Variants in ZNF716 observed in about 807,000 individuals in gnomAD.
ZNF716 encodes zinc finger protein 716.
ZNF716 carries 9 observed loss-of-function variants against 13.4 expected under a neutral mutation model. That is an observed-to-expected ratio of 0.67 (90% CI 0.41 to 1.18). ZNF716 has a LOEUF of 1.18. Ranked by LOEUF, ZNF716 falls within the 50% of genes most tolerant of loss-of-function variation. ZNF716 has a pLI of 0.01. For synonymous variants in ZNF716, 186 were observed against 195.2 expected (o/e 0.95, Z 0.39); for missense variants, 581 against 576.6 (o/e 1.01, Z -0.08).
rs1554324699 is a variant in ZNF716 at position 57,469,243 on chromosome 7, G to T, written c.782G>T (p.Arg261Ile). Residue 261 changes from arginine (R) to isoleucine (I), a missense_variant, in exon 4 of 4, where the codon AGA (arginine) becomes ATA (isoleucine). Physicochemically the swap from Arg to Ile is moderately conservative, Grantham distance 97. Transcript: ENST00000420713. ...SWSASLTKHK[R>I]IHTGEKPYTC... ...TCTGCATCCCTTACTAAACATAAGA[G>T]AATTCATACTGGAGAGAAACCTTAC... 4 of 1,611,632 alleles carry T rather than the reference G, an allele frequency of 2.5e-6. No homozygotes were observed. The highest frequency in any genetic ancestry group is 1.3e-5 in the African/African-American group (1 of 74,848).
At position 57,468,713 on chromosome 7, in the gene ZNF716, A is replaced by ACG; in HGVS notation, c.263-11_263-10insCG. The ACG allele has an allele frequency of 6.3e-7, 1 of 1,586,782 alleles. No homozygotes were observed. On this transcript the variant is annotated splice_polypyrimidine_tract_variant and intron_variant, in intron 3 of 3. Coordinates refer to ENST00000420713, the MANE Select transcript of ZNF716 (RefSeq NM_001159279.1). The stretch of plus-strand genomic sequence containing the variant: ...GTAAGTGGAGAAACTTGTGATTTTT[A>ACG]TGTCTTTCAGTTACATGTTCTCATT...
chr7:57,465,041 G>C (rs1789779963), intron 3 of ZNF716, among the ~76,000 whole-genome samples: 1 of 152,014 alleles, frequency 6.6e-6, no homozygotes. Flanking sequence ...TGTTTCTCTA[G>C]CTATAGTTCA....
Position 57,450,195 on chromosome 7 carries a change from C to G in ZNF716, c.-94C>G, listed in dbSNP as rs1348862488. 9 of 1,581,642 alleles carry G rather than the reference C, an allele frequency of 5.7e-6. No homozygotes were observed. Among genetic ancestry groups the G allele is most frequent in the Admixed American group, 1.8e-5 (1 of 56,640 alleles). On this transcript the variant is annotated 5_prime_UTR_variant, in exon 1 of 4. Coordinates refer to ENST00000420713, the MANE Select transcript of ZNF716 (RefSeq NM_001159279.1). ...ACGGGTTCTTTTTGCTTCTCTGCGC[C>G]CAGAGCTCCAGTCCTTCTCTTCACT...
intron 3 of ZNF716, among the ~76,000 whole-genome samples, chr7:57,467,487 A>G (rs879946227): frequency 6.6e-6 from 1 of 151,900 alleles, no homozygotes; most frequent in East Asian, 1.9e-4. Context: ...TTTGCTGGTT[A>G]TATTATTCTC....
chr7:57,451,381 A>C (rs1365549028), intron 1 of ZNF716, among the ~76,000 whole-genome samples: 1 of 149,660 alleles, frequency 6.7e-6, no homozygotes, highest in Non-Finnish European at 1.5e-5. Context: ...AATCCACCTC[A>C]GTCTAATTGG....
intron 3 of ZNF716, among the ~76,000 whole-genome samples, chr7:57,465,131 G>C (rs1274345613): frequency 2.6e-5 from 4 of 152,028 alleles, no homozygotes; most frequent in African/African-American, 9.7e-5. Flanking sequence ...TATTAAATTT[G>C]TTCACCACTG....
rs782745508 is a variant in ZNF716 at position 57,464,115 on chromosome 7, C to CTT, written c.262+952_262+953dup. On this transcript the variant is annotated intron_variant, in intron 3 of 3. Transcript: ENST00000420713. ...AGGTAGTTCAATCATTTGTCCATTT[C>CTT]TTTTTTCTTTTTTTTTTTTTTTTGA... is the stretch of plus-strand genomic sequence containing the variant. 1.8e-4 allele frequency among the ~76,000 whole-genome samples: 20 copies of CTT among 110,250 alleles called. 1 individual carries two copies. The highest frequency in any genetic ancestry group is 4.4e-4 in the African/African-American group (12 of 27,556). The allele number at this position is 110,250 out of a possible 152,430, so 72.3% of individuals were successfully genotyped here.
chr7:57,461,178 G>A (rs1270005760), intron 1 of ZNF716, among the ~76,000 whole-genome samples: 3 of 152,060 alleles, frequency 2.0e-5, no homozygotes, highest in African/African-American at 7.2e-5. Flanking sequence ...CTCAGGGGCT[G>A]AGGCAGGAGA....
chr7:57,463,266 A>G, intron 3 of ZNF716, 98 bp downstream of exon 3: 10 of 1,508,226 alleles, frequency 6.6e-6, no homozygotes, highest in Non-Finnish European at 8.9e-6. Context: ...CTGTACTTCG[A>G]TGGAAGAGTT....
chr7:57,451,765 T>G (rs1789500970), intron 1 of ZNF716, among the ~76,000 whole-genome samples: 1 of 135,034 alleles, frequency 7.4e-6, no homozygotes, highest in African/African-American at 2.7e-5. Flanking sequence ...TTCAACTCTT[T>G]CTTTCTTTTT....
chr7:57,455,474 T>C (rs1258711848), intron 1 of ZNF716, among the ~76,000 whole-genome samples: 2 of 152,138 alleles, frequency 1.3e-5, no homozygotes. Flanking sequence ...GAAAAAATGT[T>C]TCTCTTAAGC....
At position 57,457,292 on chromosome 7, in the gene ZNF716, C is replaced by T. The variant is rs73345950; in HGVS notation, c.40-5168C>T. On this transcript the variant is annotated intron_variant, in intron 1 of 3. Coordinates refer to ENST00000420713, the MANE Select transcript of ZNF716 (RefSeq NM_001159279.1). Reference sequence around the variant, plus strand: ...CCCACATGGACCACTGTCTGTAGCACGTCTGTGGCACAAACCAGTCTTACC... The same window carrying T: ...CCCACATGGACCACTGTCTGTAGCATGTCTGTGGCACAAACCAGTCTTACC... Among the ~76,000 whole-genome samples the T allele has an allele frequency of 6.2e-3, 941 of 152,244 alleles. 6 individuals carry two copies. The highest frequency in any genetic ancestry group is 0.02 in the African/African-American group (832 of 41,538).
At position 57,462,552 on chromosome 7, in the gene ZNF716, G is replaced by A. The variant is rs782303045; in HGVS notation, c.132G>A (p.Val44=). 31 of 1,613,010 alleles carry A rather than the reference G, an allele frequency of 1.9e-5. No individual in the cohort carries two copies. The highest frequency in any genetic ancestry group is 6.6e-5 in the South Asian group (6 of 90,712). Residue 44 remains valine (V), a synonymous_variant, in exon 2 of 4, where the codon GTG becomes GTA. Coordinates refer to ENST00000420713, the MANE Select transcript of ZNF716 (RefSeq NM_001159279.1). ...DHAQQNLYRD[V]MLENYRNLVS... is the part of the protein sequence containing the mutation. Reference sequence around the variant, plus strand: ...CTCAGCAGAATTTATATAGAGATGTGATGTTAGAGAACTACAGAAACCTGG... The same window carrying A: ...CTCAGCAGAATTTATATAGAGATGTAATGTTAGAGAACTACAGAAACCTGG...
Position 57,471,691 on chromosome 7 carries a change from G to GA in ZNF716, c.*1746dup, listed in dbSNP as rs1306418740. The GA allele has an allele frequency of 3.3e-5, 5 of 152,078 alleles. No homozygotes were observed. The highest frequency in any genetic ancestry group is 9.7e-5 in the African/African-American group (4 of 41,426). 9.4% of individuals were successfully genotyped at this position (152,078 alleles called of 1,614,324 possible). A position where few individuals can be genotyped will look rare whatever the true frequency, so the allele number is the denominator to read the frequency against. On this transcript the variant is annotated 3_prime_UTR_variant, in exon 4 of 4. Transcript: ENST00000420713. Reference sequence around the variant, plus strand: ...ATATTTGTTCAAAAACTACAGTTTAGAAAACACTAGTTTATACTAAAAAAA... The same window carrying GA: ...ATATTTGTTCAAAAACTACAGTTTAGAAAAACACTAGTTTATACTAAAAAAA...
intron 1 of ZNF716, among the ~76,000 whole-genome samples, chr7:57,457,028 A>G (rs1789605100): frequency 6.6e-6 from 1 of 152,120 alleles, no homozygotes; most frequent in Non-Finnish European, 1.5e-5. Context: ...CTAGACATTG[A>G]TGCATCCACA....
In ZNF716 at chr7:57,455,608, C is replaced by A. The variant is rs57070928; in HGVS notation, c.39+5281C>A. Among the ~76,000 whole-genome samples the A allele has an allele frequency of 1.8e-3, 270 of 152,020 alleles. 2 individuals carry two copies. The East Asian group carries it at 0.024, about 13-fold the overall frequency. On this transcript the variant is annotated intron_variant, in intron 1 of 3. Transcript: ENST00000420713. Reference sequence around the variant, plus strand: ...CTCAGCTCATTGCAATCTCCACCTCCTGGATTCAAGCAATTCTCTTGCCTC... The same window carrying A: ...CTCAGCTCATTGCAATCTCCACCTCATGGATTCAAGCAATTCTCTTGCCTC...
chr7:57,465,004 G>C (rs1789779538), intron 3 of ZNF716, among the ~76,000 whole-genome samples: 1 of 152,082 alleles, frequency 6.6e-6, no homozygotes, highest in African/African-American at 2.4e-5. Context: ...AAATTATGAA[G>C]TATAATGCCT....
intron 1 of ZNF716, among the ~76,000 whole-genome samples, chr7:57,457,365 G>A (rs1789616119): frequency 6.6e-6 from 1 of 152,090 alleles, no homozygotes; most frequent in Non-Finnish European, 1.5e-5. Flanking sequence ...TTTATTTTGA[G>A]ATGAAGTCTT....
chr7:57,459,210 G>C (rs1202215638), intron 1 of ZNF716, among the ~76,000 whole-genome samples: 2 of 151,990 alleles, frequency 1.3e-5, no homozygotes, highest in Non-Finnish European at 2.9e-5. Flanking sequence ...TCAACACTTA[G>C]TACCAGCTCC....
Sources: allele counts gnomAD v4.1 joint callset (sites outside exome capture counted in the v4.1 genomes callset), GRCh38; gene constraint gnomAD v4.1.1; transcripts MANE v1.5; gene names NCBI Gene and HGNC (gene_info 2026-07-23, HGNC 2026-07-21).